Variants in CLSTN2 observed in about 807,000 individuals in gnomAD.
CLSTN2 encodes the protein calsyntenin 2.
CLSTN2 carries 48 observed loss-of-function variants against 101.2 expected under a neutral mutation model. That is an observed-to-expected ratio of 0.47 (90% CI 0.38 to 0.60). CLSTN2 has a LOEUF of 0.60. CLSTN2 is among the 20% of genes least tolerant of loss of function. The pLI, the probability that CLSTN2 is intolerant of heterozygous loss-of-function variation, is 0.00. For missense variants in CLSTN2, 1,160 were observed against 1,238.2 expected, an observed-to-expected ratio of 0.94 and a Z score of 0.95; for synonymous variants, 481 against 463.6, an observed-to-expected ratio of 1.04 and a Z score of -0.48.
At chr3:140,398,903 A>T (rs181243645) in intron 2 of CLSTN2, among the ~76,000 whole-genome samples, 1 of 152,334 alleles carries the variant, frequency 6.6e-6, no homozygotes, top group East Asian at 1.9e-4. Flanking sequence ...AGAAGCAGGT[A>T]ACTGTGAGAT....
At chr3:139,963,717 ATGTT>A (rs943325977) in intron 1 of CLSTN2, among the ~76,000 whole-genome samples, 1 of 151,976 alleles carries the variant, frequency 6.6e-6, no homozygotes, top group Admixed American at 6.6e-5. Flanking sequence ...TGTCAGTTTC[ATGTT>A]TGTTTGTTTG....
chr3:139,935,580 A>C lies in CLSTN2; in HGVS notation c.109+97A>C, dbSNP rs1041936375. On this transcript the variant is annotated intron_variant, in intron 1 of 16. Coordinates refer to ENST00000458420, the MANE Select transcript of CLSTN2 (RefSeq NM_022131.3). The surrounding 1 kb of genome is among the most constrained non-coding windows in gnomAD (Gnocchi z 5.5). ...ACCTAGGCTCAAGCTGGATTTGCCCACCCTCCCTTGCCGCAGCTTCTTTGG... is the reference window on the plus strand; with the variant it reads ...ACCTAGGCTCAAGCTGGATTTGCCCCCCCTCCCTTGCCGCAGCTTCTTTGG... 1.7e-6 allele frequency: 1 copy of C among 577,114 alleles called. No homozygotes were observed. The highest frequency in any genetic ancestry group is 1.9e-5 in the African/African-American group (1 of 51,846). 35.7% of individuals were successfully genotyped at this position (577,114 alleles called of 1,614,324 possible).
chr3:140,160,095 C>T (rs2010021905), intron 1 of CLSTN2, among the ~76,000 whole-genome samples: 1 of 151,954 alleles, frequency 6.6e-6, no homozygotes, highest in Non-Finnish European at 1.5e-5. Context: ...GATCTATATC[C>T]TAAGCCTCAG....
intron 5 of CLSTN2, 132 bp from the exon 6 acceptor site, chr3:140,448,387 A>G (rs1933147150): frequency 2.7e-6 from 2 of 748,400 alleles, no homozygotes. Context: ...ATTATTCTCA[A>G]ACTGTTCCCT....
At chr3:140,430,592 T>TACTAAAGAAAATAAA (rs1307994030) in intron 5 of CLSTN2, among the ~76,000 whole-genome samples, 1 of 152,224 alleles carries the variant, frequency 6.6e-6, no homozygotes, top group Non-Finnish European at 1.5e-5. Context: ...CCTAAATATT[T>TACTAAAGAAAATAAA]ACTATTTGGT....
At chr3:140,184,489 G>A (rs2010457365) in intron 2 of CLSTN2, among the ~76,000 whole-genome samples, 1 of 152,004 alleles carries the variant, frequency 6.6e-6, no homozygotes. Context: ...AACAGGATTG[G>A]GAAAACCACC....
rs193012903 is a variant in CLSTN2, at chr3:140,576,000, T to G, written c.*9747T>G. 9.8e-5 allele frequency: 15 copies of G among 152,324 alleles called. No homozygotes were observed. Among genetic ancestry groups the G allele is most frequent in the Admixed American group, 5.2e-4 (8 of 15,298 alleles). 9.4% of individuals were successfully genotyped at this position (152,324 alleles called of 1,614,324 possible). On this transcript the variant is annotated 3_prime_UTR_variant, in exon 17 of 17. Transcript: ENST00000458420. ...CTCTCAAAGCAGTGGGAATAGTGCT[T>G]GGCACATAGTAGGAGTTTGGTAAAC... is the stretch of plus-strand genomic sequence containing the variant.
At chr3:140,256,459 A>T (rs1338876990) in intron 2 of CLSTN2, among the ~76,000 whole-genome samples, 2 of 152,236 alleles carry the variant, frequency 1.3e-5, no homozygotes, top group African/African-American at 4.8e-5. Flanking sequence ...ATATCAGCAC[A>T]TCCACCTCAC....
intron 2 of CLSTN2, among the ~76,000 whole-genome samples, chr3:140,239,416 T>A (rs2086441122): frequency 6.6e-6 from 1 of 152,190 alleles, no homozygotes; most frequent in African/African-American, 2.4e-5. Context: ...AATGCTTTCT[T>A]AATGCTTAGA....
intron 8 of CLSTN2, among the ~76,000 whole-genome samples, chr3:140,490,062 G>A (rs1479214642): frequency 0.023 from 5 of 216 alleles, 1 homozygote; most frequent in Admixed American, 0.042. Context: ...GTGTGTGTGT[G>A]TGTGTGTGTG....
intron 2 of CLSTN2, among the ~76,000 whole-genome samples, chr3:140,229,456 GGA>G: frequency 6.6e-6 from 1 of 151,946 alleles, no homozygotes. Context: ...ACATTTCTGG[GGA>G]CACTACATGA....
chr3:140,082,468 A>G (rs757748515), intron 1 of CLSTN2, among the ~76,000 whole-genome samples: 54 of 152,288 alleles, frequency 3.5e-4, no homozygotes, highest in Non-Finnish European at 5.9e-4. Flanking sequence ...TGAAATGAAC[A>G]TATCTCCATC....
intron 2 of CLSTN2, among the ~76,000 whole-genome samples, chr3:140,233,647 A>G (rs534599809): frequency 1.3e-5 from 2 of 152,310 alleles, no homozygotes; most frequent in Admixed American, 1.3e-4. Flanking sequence ...TCCCTGCCAT[A>G]AATGGTCTCA....
intron 1 of CLSTN2, among the ~76,000 whole-genome samples, chr3:140,159,309 G>A (rs985992230): frequency 2.6e-5 from 4 of 151,858 alleles, no homozygotes; most frequent in Non-Finnish European, 5.9e-5. Context: ...AATCTATAAG[G>A]AACTTAATAA....
intron 2 of CLSTN2, among the ~76,000 whole-genome samples, chr3:140,350,229 T>C (rs1166105328): frequency 5.3e-5 from 8 of 152,252 alleles, no homozygotes; most frequent in African/African-American, 1.4e-4. Flanking sequence ...CTTTCTTTAA[T>C]GGTGCCAAGA....
chr3:140,550,942 G>A (rs960635975), intron 10 of CLSTN2, among the ~76,000 whole-genome samples: 4 of 151,726 alleles, frequency 2.6e-5, no homozygotes, highest in African/African-American at 7.3e-5. Context: ...AGAGCACCGT[G>A]TGAGAAGTTA....
At chr3:140,315,486 T>C (rs1391990972) in intron 2 of CLSTN2, among the ~76,000 whole-genome samples, 1 of 152,256 alleles carries the variant, frequency 6.6e-6, no homozygotes, top group Non-Finnish European at 1.5e-5. Context: ...TTTTAATTAG[T>C]AGGCTAATTA....
chr3:140,562,469 G>A (rs1458742110), intron 13 of CLSTN2, among the ~76,000 whole-genome samples, 161 bp downstream of exon 13: 1 of 152,148 alleles, frequency 6.6e-6, no homozygotes, highest in Non-Finnish European at 1.5e-5. Flanking sequence ...ACCCTCCTTT[G>A]GCAAGTTACT....
intron 1 of CLSTN2, among the ~76,000 whole-genome samples, chr3:140,112,750 A>G (rs1420387457): frequency 6.6e-6 from 1 of 152,168 alleles, no homozygotes; most frequent in African/African-American, 2.4e-5. Flanking sequence ...GGTGAGAGAA[A>G]GAGCAGACAG....
Sources: allele counts gnomAD v4.1 joint callset (sites outside exome capture counted in the v4.1 genomes callset), GRCh38; gene constraint gnomAD v4.1.1; non-coding constraint Gnocchi (gnomAD v3.1); transcripts MANE v1.5; gene names NCBI Gene and HGNC (gene_info 2026-07-23, HGNC 2026-07-21).